The following PRKN variants were observed in gnomAD, a reference collection of about 807,000 sequenced individuals.
PRKN encodes E3 ubiquitin-protein ligase parkin.
PRKN carries 56 observed loss-of-function variants against 59.5 expected under a neutral mutation model. The ratio of observed to expected loss-of-function variants is 0.94; its 90% CI spans 0.76 to 1.18. The LOEUF is 1.18. Among genes scored for constraint, PRKN ranks in the 50% most tolerant of loss-of-function variants. The probability of loss-of-function intolerance (pLI) is 0.00; values close to 1 mark genes in which losing one functional copy is unlikely to be tolerated. For missense variants in PRKN, 657 were observed against 596.4 expected, an observed-to-expected ratio of 1.10 and a Z score of -1.06; for synonymous variants, 250 against 222.1, an observed-to-expected ratio of 1.13 and a Z score of -1.12.
In PRKN at chr6:161,872,506, T is replaced by G. The variant is rs1303249989; in HGVS notation, c.735-86598A>C. Among the ~76,000 whole-genome samples the G allele has an allele frequency of 3.9e-5, 6 of 152,266 alleles. No homozygotes were observed. The South Asian group carries it at 1.2e-3, about 32-fold the overall frequency. On this transcript the variant is annotated intron_variant, in intron 6 of 11. Coordinates refer to ENST00000366898, the MANE Select transcript of PRKN (RefSeq NM_004562.3). The stretch of plus-strand genomic sequence containing the variant: ...TATCAGACATACCTCATAGCCAGCA[T>G]CAGGCGCTCCTGTCCTCAACTCCAT...
chr6:162,503,053 A>G (rs1309340949), intron 1 of PRKN, among the ~76,000 whole-genome samples: 1 of 151,510 alleles, frequency 6.6e-6, no homozygotes, highest in African/African-American at 2.4e-5. Context: ...TGAAGCATCA[A>G]ATTTATGTAT....
intron 1 of PRKN, among the ~76,000 whole-genome samples, chr6:162,578,361 A>G (rs755759607): frequency 6.6e-6 from 1 of 152,230 alleles, no homozygotes; most frequent in Non-Finnish European, 1.5e-5. Context: ...ATATATGCGC[A>G]TGCCTAAAAT....
At chr6:161,638,216 T>C (rs997914926) in intron 7 of PRKN, among the ~76,000 whole-genome samples, 1 of 151,670 alleles carries the variant, frequency 6.6e-6, no homozygotes, top group Admixed American at 6.6e-5. Flanking sequence ...CACTGCAACC[T>C]CCACCTGCTG....
At chr6:161,519,689 A>G (rs1308761302) in intron 9 of PRKN, among the ~76,000 whole-genome samples, 1 of 152,270 alleles carries the variant, frequency 6.6e-6, no homozygotes, top group African/African-American at 2.4e-5. Context: ...ACATAAGGTT[A>G]GTCCTTATGG....
chr6:161,868,654 TG>T (rs1794220949), intron 6 of PRKN, among the ~76,000 whole-genome samples: 1 of 152,164 alleles, frequency 6.6e-6, no homozygotes, highest in African/African-American at 2.4e-5. Context: ...AGGCTGTTTG[TG>T]GAGAAGCACA....
At chr6:161,619,749 T>C (rs6930403) in intron 7 of PRKN, among the ~76,000 whole-genome samples, 56,442 of 151,902 alleles carry the variant, frequency 0.37, 10,927 homozygotes, top group Middle Eastern at 0.47. Flanking sequence ...AAGTGGTTAT[T>C]TCAGTGCGTC....
chr6:162,501,344 C>CT (rs1158797694), intron 1 of PRKN, among the ~76,000 whole-genome samples: 1 of 123,016 alleles, frequency 8.1e-6, no homozygotes, highest in South Asian at 2.6e-4. Flanking sequence ...TTCTAAATCC[C>CT]TTTTTTCCTT....
intron 7 of PRKN, among the ~76,000 whole-genome samples, chr6:161,613,281 G>C (rs1466687993): frequency 1.3e-5 from 2 of 152,178 alleles, no homozygotes; most frequent in Non-Finnish European, 2.9e-5. Context: ...GGAAATACAA[G>C]TGGAGCCTGA....
In PRKN at chr6:162,623,725, T is replaced by C. The variant is rs1437550150; in HGVS notation, c.7+103937A>G. ...AAAGAACTGTCATATAAAATGTACA[T>C]CTAGTAAGGCCCTCTCTATTTTTAT... On this transcript the variant is annotated intron_variant, in intron 1 of 11. Coordinates refer to ENST00000366898, the MANE Select transcript of PRKN (RefSeq NM_004562.3). 3.9e-5 allele frequency among the ~76,000 whole-genome samples: 6 copies of C among 152,130 alleles called. No homozygotes were observed. In the East Asian group the frequency reaches 7.7e-4, roughly 20 times the overall value.
chr6:162,646,852 G>T (rs973940395), intron 1 of PRKN, among the ~76,000 whole-genome samples: 2 of 152,112 alleles, frequency 1.3e-5, no homozygotes, highest in African/African-American at 4.8e-5. Flanking sequence ...AACATATCTA[G>T]ACATGGAGAA....
chr6:162,509,168 G>C (rs779967611), intron 1 of PRKN, among the ~76,000 whole-genome samples: 4 of 151,966 alleles, frequency 2.6e-5, no homozygotes, highest in Non-Finnish European at 5.9e-5. Context: ...TTTTTAAGTG[G>C]GTATTTCTAC....
chr6:162,364,509 G>GCCTTTCTTT (rs1290599812), intron 2 of PRKN, among the ~76,000 whole-genome samples: 1 of 152,130 alleles, frequency 6.6e-6, no homozygotes, highest in Admixed American at 6.5e-5. Context: ...AAGAAAGAAA[G>GCCTTTCTTT]TATCTACTTG....
intron 9 of PRKN, among the ~76,000 whole-genome samples, chr6:161,478,039 T>G (rs967261548): frequency 6.6e-6 from 1 of 152,188 alleles, no homozygotes; most frequent in Non-Finnish European, 1.5e-5. Context: ...GTGTTCCATT[T>G]TAGCTATTCT....
At chr6:162,448,339 C>T (rs762178154) in intron 1 of PRKN, among the ~76,000 whole-genome samples, 1 of 152,146 alleles carries the variant, frequency 6.6e-6, no homozygotes, top group Non-Finnish European at 1.5e-5. Flanking sequence ...CCTGCGATTA[C>T]TACCCCATTT....
At chr6:161,651,761 G>C (rs555897017) in intron 7 of PRKN, among the ~76,000 whole-genome samples, 32 of 152,190 alleles carry the variant, frequency 2.1e-4, no homozygotes, top group Middle Eastern at 6.8e-3. Flanking sequence ...ATTGCAAAAA[G>C]TTTCTTGTCA....
intron 6 of PRKN, among the ~76,000 whole-genome samples, chr6:161,834,039 C>G (rs1432454738): frequency 6.6e-6 from 1 of 152,072 alleles, no homozygotes; most frequent in Non-Finnish European, 1.5e-5. Flanking sequence ...AGACAGTGAG[C>G]AAAAGTCCCA....
rs535142712 is a variant in PRKN, at chr6:161,445,300, G to A, written c.1084-58423C>T. ...GACCGCATGTGACCTGCTGGTGCTC[G>A]GCACTGACCCAGGGGAGGAGGGCCA... On this transcript the variant is annotated intron_variant, in intron 9 of 11. Coordinates refer to ENST00000366898, the MANE Select transcript of PRKN (RefSeq NM_004562.3). This position sits in a 1 kb window ranked among gnomAD's most constrained non-coding sequence, Gnocchi z 7.7. 5.9e-5 allele frequency among the ~76,000 whole-genome samples: 9 copies of A among 152,232 alleles called. No homozygotes were observed. The South Asian group carries it at 1.2e-3, about 21-fold the overall frequency.
rs777292269 is a variant in PRKN at position 162,485,125 on chromosome 6, C to T, written c.8-41652G>A. Among the ~76,000 whole-genome samples, 66 of 152,186 alleles carry T rather than the reference C, an allele frequency of 4.3e-4. 1 individual carries two copies. Among genetic ancestry groups the T allele is most frequent in the Admixed American group, 2.7e-3 (41 of 15,288 alleles). On this transcript the variant is annotated intron_variant, in intron 1 of 11. Transcript: ENST00000366898. Reference sequence around the variant, plus strand: ...TACACAAGTGTTGAGGGCATTCATTCGTCACTTTTGTAGTTAACCCACTGG... The same window carrying T: ...TACACAAGTGTTGAGGGCATTCATTTGTCACTTTTGTAGTTAACCCACTGG...
intron 1 of PRKN, among the ~76,000 whole-genome samples, chr6:162,691,245 T>C (rs1777763165): frequency 6.6e-6 from 1 of 152,146 alleles, no homozygotes. Context: ...TAGATAATTA[T>C]AAAAGTAAAC....
Sources: allele counts gnomAD v4.1 joint callset (sites outside exome capture counted in the v4.1 genomes callset), GRCh38; gene constraint gnomAD v4.1.1; non-coding constraint Gnocchi (gnomAD v3.1); transcripts MANE v1.5; gene names NCBI Gene and HGNC (gene_info 2026-07-23, HGNC 2026-07-21).